Variants in PCNA observed in about 807,000 individuals in gnomAD.
The protein encoded by PCNA is DNA sliding clamp PCNA.
Under a neutral mutation model 27.8 loss-of-function variants are expected in PCNA, and 4 were observed. The observed-to-expected ratio is 0.14, with a 90% CI of 0.07 to 0.33. The LOEUF (loss-of-function observed/expected upper bound fraction) is 0.33, where lower values mean the gene tolerates loss of function less well. Among genes scored for constraint, PCNA ranks in the 10% least tolerant of loss-of-function variants. PCNA has a pLI of 1.00. For missense variants in PCNA, 165 were observed against 327.4 expected (o/e 0.50, Z 3.83); for synonymous variants, 121 against 119.4 (o/e 1.01, Z -0.09).
At chr20:5,125,624 A>C (rs1909080029) in intron 1 of PCNA, among the ~76,000 whole-genome samples, 1 of 152,182 alleles carries the variant, frequency 6.6e-6, no homozygotes, top group African/African-American at 2.4e-5. Context: ...GTTTTACATC[A>C]CTTACAGGGC....
chr20:5,120,515 G>C (rs2090512107), upstream of PCNA, among the ~76,000 whole-genome samples: 1 of 151,154 alleles, frequency 6.6e-6, no homozygotes, highest in African/African-American at 2.4e-5. Flanking sequence ...ATTGTATAAA[G>C]CTTTTAAAGC....
intron 1 of PCNA, 66 bp from the exon 2 acceptor site, chr20:5,118,932 G>A: frequency 5.8e-6 from 6 of 1,039,280 alleles, no homozygotes; most frequent in Non-Finnish European, 8.9e-6. Context: ...TTTCGAACGC[G>A]GTTAGAAGGG....
At chr20:5,117,722 C>T (rs2090485325) in intron 3 of PCNA, 58 bp from the exon 4 acceptor site, 3 of 1,093,584 alleles carry the variant, frequency 2.7e-6, no homozygotes, top group African/African-American at 3.2e-5. Flanking sequence ...GATTTGGCAC[C>T]CTCACTTTCT....
At chr20:5,125,258 G>T (rs1251168312) in intron 1 of PCNA, among the ~76,000 whole-genome samples, 2 of 152,098 alleles carry the variant, frequency 1.3e-5, no homozygotes, top group Non-Finnish European at 2.9e-5. Context: ...TAGAAATCAG[G>T]AATATATAAT....
chr20:5,121,970 TTTC>T (rs1418338617), upstream of PCNA, among the ~76,000 whole-genome samples: 2 of 149,944 alleles, frequency 1.3e-5, no homozygotes, highest in African/African-American at 4.9e-5. Flanking sequence ...TCTTTTTTTT[TTTC>T]TTTTTCTTTT....
At chr20:5,119,541 C>T in intron 1 of PCNA, 37 bp downstream of exon 1, 1 of 1,552,056 alleles carries the variant, frequency 6.4e-7, no homozygotes, top group Non-Finnish European at 8.8e-7. Context: ...GAGGTGCAGG[C>T]GGGCCGGGGC....
Position 5,115,583 on chromosome 20 carries a change from A to C in PCNA, c.583-11T>G. 1.5e-5 allele frequency: 24 copies of C among 1,609,614 alleles called. No individual in the cohort carries two copies. Among genetic ancestry groups the C allele is most frequent in the Non-Finnish European group, 2.0e-5 (23 of 1,177,582 alleles). Reference sequence around the variant, plus strand: ...CATCTCTATGGTAACCTACAAAACAAAAGATTCATCATTGAAAAACATCAA... The same window carrying C: ...CATCTCTATGGTAACCTACAAAACACAAGATTCATCATTGAAAAACATCAA... On this transcript the variant is annotated splice_polypyrimidine_tract_variant and intron_variant, in intron 4 of 5. Transcript: ENST00000379143.
At chr20:5,121,985 C>CT (rs34987280), upstream of PCNA, among the ~76,000 whole-genome samples, 419 of 125,338 alleles carry the variant, frequency 3.3e-3, 1 homozygote, top group African/African-American at 7.7e-3. Flanking sequence ...TTTTCTTTTT[C>CT]TTTTTTTTTT....
Position 5,119,566 on chromosome 20 carries a change from C to A in PCNA, c.221+12G>T. On this transcript the variant is annotated intron_variant, in intron 1 of 5. Transcript: ENST00000379143. Reference sequence around the variant, plus strand: ...CGGGCCGGGGCCGGCTTCCCGGGGCCGCGAGGCTCACCTGGTGAGGTTCAC... The same window carrying A: ...CGGGCCGGGGCCGGCTTCCCGGGGCAGCGAGGCTCACCTGGTGAGGTTCAC... 2 of 1,604,940 alleles carry A rather than the reference C, an allele frequency of 1.2e-6. No individual in the cohort carries two copies. The highest frequency in any genetic ancestry group is 1.7e-5 in the Admixed American group (1 of 59,394).
chr20:5,120,482 C>T (rs1385394725), upstream of PCNA, among the ~76,000 whole-genome samples: 2 of 152,168 alleles, frequency 1.3e-5, no homozygotes, highest in Admixed American at 1.3e-4. Context: ...CCCCCGCCAG[C>T]TCTTATAATC....
chr20:5,122,610 A>T (rs528750105), upstream of PCNA, among the ~76,000 whole-genome samples: 1 of 152,246 alleles, frequency 6.6e-6, no homozygotes, highest in Non-Finnish European at 1.5e-5. Flanking sequence ...ATATCAAAAC[A>T]TAATACAGCA....
chr20:5,118,756 A>C lies in PCNA; in HGVS notation c.319+13T>G. The C allele has an allele frequency of 1.2e-6, 2 of 1,612,134 alleles. No individual in the cohort carries two copies. Among genetic ancestry groups the C allele is most frequent in the South Asian group, 1.1e-5 (1 of 91,050 alleles). ...TCTGTAGCTTCGTGACTCGGTAAAA[A>C]GGTACGACTTACTTGGTGCTTCAAA... On this transcript the variant is annotated intron_variant, in intron 2 of 5. Coordinates refer to ENST00000379143, the MANE Select transcript of PCNA (RefSeq NM_182649.2).
upstream of PCNA, among the ~76,000 whole-genome samples, chr20:5,122,401 A>G (rs1412669320): frequency 6.6e-6 from 1 of 152,204 alleles, no homozygotes; most frequent in Non-Finnish European, 1.5e-5. Context: ...TTCTCCACTC[A>G]GTTAGTTGCT....
chr20:5,117,984 T>A (rs1245013267), intron 3 of PCNA, among the ~76,000 whole-genome samples: 1 of 152,234 alleles, frequency 6.6e-6, no homozygotes, highest in Non-Finnish European at 1.5e-5. Flanking sequence ...ATATTAGGCA[T>A]TTTCAACATT....
exon 1 of PCNA, chr20:5,126,571 C>G (rs1310139298): frequency 1.3e-5 from 2 of 152,418 alleles, no homozygotes; most frequent in Non-Finnish European, 2.9e-5. Flanking sequence ...TGGCGCTTCT[C>G]GCCCTCAGTA....
intron 1 of PCNA, among the ~76,000 whole-genome samples, chr20:5,125,061 G>A (rs951966829): frequency 6.6e-6 from 1 of 152,098 alleles, no homozygotes; most frequent in Non-Finnish European, 1.5e-5. Flanking sequence ...CATCTTGCTC[G>A]AGTGCTGTGG....
upstream of PCNA, among the ~76,000 whole-genome samples, chr20:5,123,248 A>T (rs141939356): frequency 2.6e-5 from 4 of 152,220 alleles, no homozygotes; most frequent in East Asian, 7.7e-4. Context: ...AGTGCAAGGG[A>T]ATGTGGTCAA....
At chr20:5,117,816 A>C (rs2090485948) in intron 3 of PCNA, 152 bp from the exon 4 acceptor site, 2 of 552,458 alleles carry the variant, frequency 3.6e-6, no homozygotes, top group South Asian at 2.8e-5. Context: ...AACAAACTCC[A>C]CTCAAAAAAA....
At chr20:5,126,027 A>T (rs2090545641) in intron 1 of PCNA, among the ~76,000 whole-genome samples, 1 of 152,232 alleles carries the variant, frequency 6.6e-6, no homozygotes, top group African/African-American at 2.4e-5. Context: ...TGAGGTCAGG[A>T]GTTCGAGACC....
Sources: gnomAD v4.1 joint callset for allele counts (sites outside exome capture counted in the v4.1 genomes callset) on GRCh38, gnomAD v4.1.1 for gene constraint, MANE v1.5 for transcripts, NCBI Gene and HGNC (gene_info 2026-07-23, HGNC 2026-07-21) for gene names.